The following DLEC1 variants were observed in gnomAD, a reference collection of about 807,000 sequenced individuals.
DLEC1 encodes the protein DLEC1 cilia and flagella associated protein.
Under a neutral mutation model 198.1 loss-of-function variants are expected in DLEC1, and 146 were observed. That is an observed-to-expected ratio of 0.74 (90% confidence interval 0.64 to 0.85). The LOEUF is 0.85. Among genes scored for constraint, DLEC1 ranks in the 40% least tolerant of loss-of-function variants. The probability of loss-of-function intolerance (pLI) is 0.00; values close to 1 mark genes in which losing one functional copy is unlikely to be tolerated. For synonymous variants in DLEC1, 897 were observed against 866.8 expected (o/e 1.03, Z -0.61); for missense variants, 2,233 against 2,220.0 (o/e 1.01, Z -0.12).
chr3:38,099,769 C>CG (rs1339152511), intron 18 of DLEC1, among the ~76,000 whole-genome samples: 4 of 3,960 alleles, frequency 1.0e-3, no homozygotes, highest in African/African-American at 4.2e-3. Flanking sequence ...AGGAGCAGAC[C>CG]GGGGGCGGGG....
chr3:38,087,023 G>T (rs963709746), intron 9 of DLEC1, among the ~76,000 whole-genome samples: 2 of 149,888 alleles, frequency 1.3e-5, no homozygotes, highest in Non-Finnish European at 3.0e-5. Context: ...GCAGTGAGCC[G>T]AGATCGCACC....
In DLEC1 at chr3:38,045,598, T is replaced by C. The variant is rs1376369535; in HGVS notation, c.467T>C (p.Ile156Thr). Residue 156 changes from isoleucine (I) to threonine (T), a missense_variant, in exon 2 of 37, where the codon ATC (isoleucine) becomes ACC (threonine). By Grantham distance (89) the Ile-to-Thr change is moderately conservative (BLOSUM62 -1). Coordinates refer to ENST00000308059, the MANE Select transcript of DLEC1 (RefSeq NM_007335.4). ...GAGTTTGAAATGTTGGAGAGACATA[T>C]CACTCAGGCCCAAGCACGGGCTATT... ...LDEFEMLERH[I>T]TQAQARAIAE... 1 of 1,614,104 alleles carries C rather than the reference T, an allele frequency of 6.2e-7. No homozygotes were observed. The highest frequency in any genetic ancestry group is 1.1e-5 in the South Asian group (1 of 91,078).
Position 38,096,632 on chromosome 3 carries a change from C to A in DLEC1, c.2235C>A (p.Ile745=), listed in dbSNP as rs1416055722. 6.2e-7 allele frequency: 1 copy of A among 1,612,780 alleles called. No individual in the cohort carries two copies. Among genetic ancestry groups the A allele is most frequent in the Admixed American group, 1.7e-5 (1 of 59,994 alleles). The change falls in exon 15 of 37, where the codon ATC becomes ATA. Residue 745 remains isoleucine (I), a synonymous_variant. Transcript: ENST00000308059. ...TGGATGATGTGATTGTCCTGGAAAT[C>A]GAGGTGAAAGGCTCAGTAGAACCTT... ...YSVDDVIVLE[I]EVKGSVEPFQ...
At chr3:38,122,220 A>C in intron 36 of DLEC1, 26 bp downstream of exon 36, 2 of 1,610,848 alleles carry the variant, frequency 1.2e-6, no homozygotes, top group Non-Finnish European at 1.7e-6. Flanking sequence ...ACCTTCCCCA[A>C]ACTGCCCACA....
chr3:38,122,053 C>T lies in DLEC1; in HGVS notation c.5021-18C>T. 6.2e-7 allele frequency: 1 copy of T among 1,612,836 alleles called. No individual in the cohort carries two copies. The highest frequency in any genetic ancestry group is 8.5e-7 in the Non-Finnish European group (1 of 1,179,118). ...GGGGCTGCCTGCACTCATGTGTCTT[C>T]CCTTCCCTTTGGTGCAGGCCAGCAG... On this transcript the variant is annotated intron_variant, in intron 35 of 36. Transcript: ENST00000308059.
intron 4 of DLEC1, 23 bp from the exon 5 acceptor site, chr3:38,062,558 C>G (rs369065647): frequency 5.6e-6 from 9 of 1,613,322 alleles, no homozygotes; most frequent in African/African-American, 2.7e-5. Flanking sequence ...GTCATTGACT[C>G]TATGCTTTTG....
At chr3:38,117,147 CT>C (rs1468888865) in intron 30 of DLEC1, 47 bp downstream of exon 30, 1 of 1,614,046 alleles carries the variant, frequency 6.2e-7, no homozygotes, top group South Asian at 1.1e-5. Context: ...CTGCTCCCTC[CT>C]GGGTAGCATG....
Position 38,039,318 on chromosome 3 carries a change from C to T in DLEC1, c.93C>T (p.Ala31=), listed in dbSNP as rs754434275. The change falls in exon 1 of 37, where the codon GCC becomes GCT. Residue 31 remains alanine (A), a synonymous_variant. Transcript: ENST00000308059. ...TGTGGGCGCCAACTTCGCCACCAGC[C>T]GGGTCCAGCAGCCCCAGCCAGCCCA... ...GTMWAPTSPP[A]GSSSPSQPTW... 5.0e-6 allele frequency: 8 copies of T among 1,614,114 alleles called. No individual in the cohort carries two copies. In the African/African-American group the frequency reaches 1.1e-4, roughly 22 times the overall value.
chr3:38,053,903 C>G (rs1215790673), intron 2 of DLEC1, among the ~76,000 whole-genome samples: 2 of 152,108 alleles, frequency 1.3e-5, no homozygotes, highest in Admixed American at 6.5e-5. Flanking sequence ...CCCCCAACCC[C>G]GTGCTCTCTG....
chr3:38,080,160 C>T (rs1697888932), intron 6 of DLEC1, among the ~76,000 whole-genome samples: 1 of 152,152 alleles, frequency 6.6e-6, no homozygotes, highest in African/African-American at 2.4e-5. Context: ...ATGCCTTTAG[C>T]TCCAGCCACC....
At chr3:38,115,701 T>C (rs1459952477) in intron 27 of DLEC1, among the ~76,000 whole-genome samples, 2 of 152,016 alleles carry the variant, frequency 1.3e-5, no homozygotes, top group Non-Finnish European at 2.9e-5. Context: ...GGCAGATGTC[T>C]AGGTTTGGGA....
Position 38,062,235 on chromosome 3 carries a change from A to G in DLEC1, c.740A>G (p.Glu247Gly). The change falls in exon 4 of 37, where the codon GAG becomes GGG. Residue 247 changes from glutamate (E) to glycine (G), a missense_variant. Transcript: ENST00000308059. Reference sequence around the variant, plus strand: ...GAGAAGCGTTCCGTCCAGAAGAAAGAGCTGAACAAGAAGCTTGAAGATTCA... The same window carrying G: ...GAGAAGCGTTCCGTCCAGAAGAAAGGGCTGAACAAGAAGCTTGAAGATTCA... ...SCEKRSVQKK[E>G]LNKKLEDSCR... 3.7e-6 allele frequency: 6 copies of G among 1,614,230 alleles called. No homozygotes were observed. Among genetic ancestry groups the G allele is most frequent in the Non-Finnish European group, 5.1e-6 (6 of 1,180,044 alleles).
In DLEC1 at chr3:38,116,558, G is replaced by A. The variant is rs1700174195; in HGVS notation, c.3962G>A (p.Gly1321Glu). The A allele has an allele frequency of 5.0e-6, 8 of 1,614,146 alleles. No homozygotes were observed. Among genetic ancestry groups the A allele is most frequent in the South Asian group, 1.1e-5 (1 of 91,080 alleles). Reference protein sequence around the residue: ...GPPFPLRDQAGNELVCPDTPE... With the variant: ...GPPFPLRDQAENELVCPDTPE... ...CCTTTCCCGCTGCGGGACCAAGCCG[G>A]GAATGAGCTTGTGTGCCCTGATACC... is the stretch of plus-strand genomic sequence containing the variant. Residue 1321 changes from glycine (G) to glutamate (E), a missense_variant, in exon 28 of 37, where the codon GGG becomes GAG. By Grantham distance (98) the Gly-to-Glu change is moderately conservative. Transcript: ENST00000308059.
Position 38,122,800 on chromosome 3 carries a change from T to G in DLEC1, c.*388T>G, listed in dbSNP as rs1225985259. 1 of 1,036,420 alleles carries G rather than the reference T, an allele frequency of 9.6e-7. No homozygotes were observed. The highest frequency in any genetic ancestry group is 1.3e-6 in the Non-Finnish European group (1 of 742,392). The allele number at this position is 1,036,420 out of a possible 1,614,324, so 64.2% of individuals were successfully genotyped here. A position where few individuals can be genotyped will look rare whatever the true frequency, so the allele number is the denominator to read the frequency against. ...AAGAATTAACCATGGCCTTGTGGCC[T>G]GGGTGACCCAGGCTGCTTTTATCTT... On this transcript the variant is annotated 3_prime_UTR_variant, in exon 37 of 37. Coordinates refer to ENST00000308059, the MANE Select transcript of DLEC1 (RefSeq NM_007335.4).
intron 9 of DLEC1, among the ~76,000 whole-genome samples, chr3:38,087,539 T>G: frequency 9.3e-6 from 1 of 107,264 alleles, no homozygotes; most frequent in African/African-American, 4.1e-5. Flanking sequence ...ACTGACACCA[T>G]CCATCAGCAT....
chr3:38,117,561 G>C lies in DLEC1; in HGVS notation c.4435G>C (p.Glu1479Gln). The stretch of plus-strand genomic sequence containing the variant: ...GGAGCTGGACTACGGCGGCAGTATG[G>C]AATTCCAGTGCCAGGCCAGTGACCT... Reference protein sequence around the residue: ...SVELDYGGSMEFQCQASDLIP... With the variant: ...SVELDYGGSMQFQCQASDLIP... Residue 1479 changes from glutamate to glutamine, a missense_variant, in exon 32 of 37, where the codon GAA (glutamate) becomes CAA (glutamine). Physicochemically the swap from Glu to Gln is conservative, Grantham distance 29 (BLOSUM62 2). Transcript: ENST00000308059. 1.2e-6 allele frequency: 2 copies of C among 1,614,168 alleles called. No homozygotes were observed. The highest frequency in any genetic ancestry group is 1.1e-5 in the South Asian group (1 of 91,086).
At chr3:38,106,896 C>G (rs1699596863) in intron 19 of DLEC1, among the ~76,000 whole-genome samples, 1 of 151,684 alleles carries the variant, frequency 6.6e-6, no homozygotes, top group Non-Finnish European at 1.5e-5. Flanking sequence ...GCCGTTCAGA[C>G]ATGTAAAGAG....
intron 23 of DLEC1, 63 bp from the exon 24 acceptor site, chr3:38,111,614 T>C: frequency 1.3e-6 from 2 of 1,565,154 alleles, no homozygotes; most frequent in Non-Finnish European, 1.7e-6. Context: ...CTCTAGAACC[T>C]GGCTCAGGTC....
In DLEC1 at chr3:38,096,699, G is replaced by A; in HGVS notation, c.2302G>A (p.Glu768Lys). The A allele has an allele frequency of 1.9e-6, 3 of 1,612,742 alleles. No individual in the cohort carries two copies. Among genetic ancestry groups the A allele is most frequent in the Middle Eastern group, 1.8e-4 (1 of 5,668 alleles). Residue 768 changes from glutamate (E) to lysine (K), a missense_variant, in exon 15 of 37, where the codon GAG becomes AAG. Glu to Lys is a moderately conservative substitution (Grantham distance 56). Transcript: ENST00000308059. ...LEPYALIIPGENYIGINVKKA... is the reference protein window; with the variant it reads ...LEPYALIIPGKNYIGINVKKA... ...GCCATATGCCCTCATCATCCCAGGG[G>A]AGAACTACATTGGGATAAATGTGAA...
Sources: gnomAD v4.1 joint callset for allele counts (sites outside exome capture counted in the v4.1 genomes callset) on GRCh38, gnomAD v4.1.1 for gene constraint, MANE v1.5 for transcripts, NCBI Gene and HGNC (gene_info 2026-07-23, HGNC 2026-07-21) for gene names.